The following PCDHGC3 variants were observed in gnomAD, a reference collection of about 807,000 sequenced individuals.
PCDHGC3 encodes protocadherin gamma-C3.
Under a neutral mutation model 59.2 loss-of-function variants are expected in PCDHGC3, and 26 were observed. The ratio of observed to expected loss-of-function variants is 0.44; its 90% confidence interval spans 0.32 to 0.61. The LOEUF (loss-of-function observed/expected upper bound fraction) is 0.61. Among genes scored for constraint, PCDHGC3 ranks in the 20% least tolerant of loss-of-function variants. PCDHGC3 has a pLI of 0.05. For missense variants in PCDHGC3, 1,080 were observed against 1,221.8 expected (o/e 0.88, Z 1.73); for synonymous variants, 487 against 519.7 (o/e 0.94, Z 0.86).
chr5:141,502,457 A>G lies in PCDHGC3; in HGVS notation c.2490-2936A>G, dbSNP rs950959171. 6.6e-5 allele frequency among the ~76,000 whole-genome samples: 10 copies of G among 151,926 alleles called. No individual in the cohort carries two copies. The South Asian group carries it at 1.7e-3, about 25-fold the overall frequency. On this transcript the variant is annotated intron_variant, in intron 2 of 3. Coordinates refer to ENST00000308177, the MANE Select transcript of PCDHGC3 (RefSeq NM_002588.4). The stretch of plus-strand genomic sequence containing the variant: ...TTAGATTCAGATTACACACCTTGGT[A>G]GGAATACTTCCCGCAGCATCACACT...
At position 141,511,345 on chromosome 5, in the gene PCDHGC3, T is replaced by C; in HGVS notation, c.*172T>C. ...AAGTGCCCAGTCAGCACCTACCCCT[T>C]CCCCCCCAGGGGGTTGAATATGCAA... On this transcript the variant is annotated 3_prime_UTR_variant, in exon 4 of 4. Transcript: ENST00000308177. The C allele has an allele frequency of 1.4e-6, 2 of 1,410,502 alleles. No homozygotes were observed. The highest frequency in any genetic ancestry group is 9.4e-7 in the Non-Finnish European group (1 of 1,060,676). 87.4% of individuals were successfully genotyped at this position (1,410,502 alleles called of 1,614,324 possible).
At chr5:141,501,881 C>T (rs1396427606) in intron 2 of PCDHGC3, among the ~76,000 whole-genome samples, 1 of 152,124 alleles carries the variant, frequency 6.6e-6, no homozygotes, top group East Asian at 1.9e-4. Context: ...CCTTACACTC[C>T]TGATCATCAT....
chr5:141,490,906 G>C lies in PCDHGC3; in HGVS notation c.2431-3901G>C. On this transcript the variant is annotated intron_variant, in intron 1 of 3. Transcript: ENST00000308177. The surrounding 1 kb of genome is among the most constrained non-coding windows in gnomAD (Gnocchi z 5.4). ...CACATCTCTGCATGTGTTTGTCCTA[G>C]ACGAGAATGATAATGCCCCAGCTGT... The C allele has an allele frequency of 1.9e-6, 3 of 1,613,798 alleles. No individual in the cohort carries two copies. The highest frequency in any genetic ancestry group is 2.5e-6 in the Non-Finnish European group (3 of 1,179,808).
At chr5:141,506,669 A>C (rs1293213848) in intron 3 of PCDHGC3, among the ~76,000 whole-genome samples, 1 of 152,198 alleles carries the variant, frequency 6.6e-6, no homozygotes, top group African/African-American at 2.4e-5. Flanking sequence ...GTAAGGGCAC[A>C]ATATATTATT....
rs1201654822 is a variant in PCDHGC3, at chr5:141,476,876, C to T, written c.760C>T (p.Leu254=). ...FNQSLYRARV[L]EDAPSGTRVV... is the part of the protein sequence containing the mutation. ...CCAGTCCTTGTACCGGGCGCGCGTC[C>T]TGGAGGATGCACCCTCCGGCACGCG... The change falls in exon 1 of 4, where the codon CTG becomes TTG. Residue 254 remains leucine (L), a synonymous_variant. Transcript: ENST00000308177. The surrounding 1 kb of genome is among the most constrained non-coding windows in gnomAD (Gnocchi z 7.6). 6.2e-7 allele frequency: 1 copy of T among 1,613,876 alleles called. No homozygotes were observed. The highest frequency in any genetic ancestry group is 1.7e-5 in the Admixed American group (1 of 60,018).
intron 1 of PCDHGC3, among the ~76,000 whole-genome samples, chr5:141,494,547 C>T (rs2099755185): frequency 6.6e-6 from 1 of 152,106 alleles, no homozygotes; most frequent in East Asian, 1.9e-4. Context: ...GAGGAAGGGG[C>T]CATTTCTTTA....
At position 141,489,437 on chromosome 5, in the gene PCDHGC3, T is replaced by C; in HGVS notation, c.2431-5370T>C. The C allele has an allele frequency of 6.2e-7, 1 of 1,614,110 alleles. No individual in the cohort carries two copies. Among genetic ancestry groups the C allele is most frequent in the Non-Finnish European group, 8.5e-7 (1 of 1,180,020 alleles). ...GATCTGTTGAGCCGGCGGCTGCAATTGGGCTCTGAGGAGAATGGGCGCTAT... is the reference window on the plus strand; with the variant it reads ...GATCTGTTGAGCCGGCGGCTGCAATCGGGCTCTGAGGAGAATGGGCGCTAT... On this transcript the variant is annotated intron_variant, in intron 1 of 3. Transcript: ENST00000308177. This position sits in a 1 kb window ranked among gnomAD's most constrained non-coding sequence, Gnocchi z 4.5.
rs2099427481 is a variant in PCDHGC3 at position 141,477,973 on chromosome 5, T to A, written c.1857T>A (p.Phe619Leu). Residue 619 changes from phenylalanine to leucine, a missense_variant, in exon 1 of 4, where the codon TTT becomes TTA. Physicochemically the swap from Phe to Leu is conservative, Grantham distance 22. Coordinates refer to ENST00000308177, the MANE Select transcript of PCDHGC3 (RefSeq NM_002588.4). The surrounding 1 kb of genome is among the most constrained non-coding windows in gnomAD (Gnocchi z 4.9). ...SLLGSPNQSL[F>L]AIGLHTGQIS... The stretch of plus-strand genomic sequence containing the variant: ...TGGGATCCCCTAACCAGAGCCTTTT[T>A]GCCATAGGGCTGCACACTGGTCAAA... 1 of 1,614,030 alleles carries A rather than the reference T, an allele frequency of 6.2e-7. No individual in the cohort carries two copies. The highest frequency in any genetic ancestry group is 8.5e-7 in the Non-Finnish European group (1 of 1,180,030).
intron 1 of PCDHGC3, among the ~76,000 whole-genome samples, chr5:141,484,211 G>A (rs1362875959): frequency 6.6e-6 from 1 of 152,158 alleles, no homozygotes; most frequent in Non-Finnish European, 1.5e-5. Context: ...ATGAACATTA[G>A]CATTCTGCCA....
rs201424832 is a variant in PCDHGC3 at position 141,490,802 on chromosome 5, C to T, written c.2431-4005C>T. On this transcript the variant is annotated intron_variant, in intron 1 of 3. Transcript: ENST00000308177. This position sits in a 1 kb window ranked among gnomAD's most constrained non-coding sequence, Gnocchi z 5.4. Reference sequence around the variant, plus strand: ...GATGGACGGATCTTTGCCCAGCGTACCTTTGACTATGAATTGCTGCAGATG... The same window carrying T: ...GATGGACGGATCTTTGCCCAGCGTATCTTTGACTATGAATTGCTGCAGATG... 1 of 1,613,944 alleles carries T rather than the reference C, an allele frequency of 6.2e-7. No homozygotes were observed. Among genetic ancestry groups the T allele is most frequent in the East Asian group, 2.2e-5 (1 of 44,886 alleles).
rs1052219950 is a variant in PCDHGC3, at chr5:141,476,865, G to A, written c.749G>A (p.Arg250Gln). The A allele has an allele frequency of 1.2e-6, 2 of 1,613,752 alleles. No individual in the cohort carries two copies. Among genetic ancestry groups the A allele is most frequent in the African/African-American group, 1.3e-5 (1 of 74,958 alleles). The change falls in exon 1 of 4, where the codon CGG (arginine) becomes CAG (glutamine). Residue 250 changes from arginine to glutamine, a missense_variant. Coordinates refer to ENST00000308177, the MANE Select transcript of PCDHGC3 (RefSeq NM_002588.4). This position sits in a 1 kb window ranked among gnomAD's most constrained non-coding sequence, Gnocchi z 7.6. ...NAPVFNQSLYRARVLEDAPSG... is the reference protein window; with the variant it reads ...NAPVFNQSLYQARVLEDAPSG... ...CCTGTCTTCAACCAGTCCTTGTACC[G>A]GGCGCGCGTCCTGGAGGATGCACCC...
intron 1 of PCDHGC3, among the ~76,000 whole-genome samples, chr5:141,488,544 C>G (rs1225754325): frequency 6.6e-6 from 1 of 152,166 alleles, no homozygotes; most frequent in African/African-American, 2.4e-5. Flanking sequence ...AGTCCCATGT[C>G]AGCTGACATT....
At position 141,491,856 on chromosome 5, in the gene PCDHGC3, C is replaced by T; in HGVS notation, c.2431-2951C>T. 1.4e-6 allele frequency: 2 copies of T among 1,458,728 alleles called. No individual in the cohort carries two copies. Among genetic ancestry groups the T allele is most frequent in the Non-Finnish European group, 1.8e-6 (2 of 1,103,072 alleles). 90.4% of individuals were successfully genotyped at this position (1,458,728 alleles called of 1,614,324 possible). A position where few individuals can be genotyped will look rare whatever the true frequency, so the allele number is the denominator to read the frequency against. ...TCTCGGGATCATTGGACCGTTTGCG[C>T]GAAACCAGAGTGGCCGATTAAGGGA... On this transcript the variant is annotated intron_variant, in intron 1 of 3. Coordinates refer to ENST00000308177, the MANE Select transcript of PCDHGC3 (RefSeq NM_002588.4). The surrounding 1 kb of genome is among the most constrained non-coding windows in gnomAD (Gnocchi z 6.9).
At chr5:141,483,694 C>T (rs915328297) in intron 1 of PCDHGC3, among the ~76,000 whole-genome samples, 3 of 151,952 alleles carry the variant, frequency 2.0e-5, no homozygotes, top group African/African-American at 4.8e-5. Flanking sequence ...AGCCAGATTC[C>T]TCTTTTTGAC....
At chr5:141,502,575 A>G (rs1314648955) in intron 2 of PCDHGC3, among the ~76,000 whole-genome samples, 2 of 152,208 alleles carry the variant, frequency 1.3e-5, no homozygotes, top group Admixed American at 1.3e-4. Context: ...CATTATAAAA[A>G]TATATTTTTA....
In PCDHGC3 at chr5:141,485,124, C is replaced by A; in HGVS notation, c.2430+6578C>A. ...GCTGCTGTGGCTGTTTGGGGCGGGT[C>A]GGCTTCATCCGCGTCTCAGGAGCAA... is the stretch of plus-strand genomic sequence containing the variant. On this transcript the variant is annotated intron_variant, in intron 1 of 3. Transcript: ENST00000308177. The surrounding 1 kb of genome is among the most constrained non-coding windows in gnomAD (Gnocchi z 5.7). 2 of 1,390,136 alleles carry A rather than the reference C, an allele frequency of 1.4e-6. No homozygotes were observed. The highest frequency in any genetic ancestry group is 2.5e-5 in the South Asian group (2 of 80,180). 86.1% of individuals were successfully genotyped at this position (1,390,136 alleles called of 1,614,324 possible). A position where few individuals can be genotyped will look rare whatever the true frequency, so the allele number is the denominator to read the frequency against.
chr5:141,485,566 C>G lies in PCDHGC3; in HGVS notation c.2430+7020C>G, dbSNP rs768144422. On this transcript the variant is annotated intron_variant, in intron 1 of 3. Transcript: ENST00000308177. This position sits in a 1 kb window ranked among gnomAD's most constrained non-coding sequence, Gnocchi z 5.7. ...TCGTAGATGTGAATGATCACGCCCC[C>G]CGTTTTCCGCGGCAGCAGCTGGACT... 2.5e-6 allele frequency: 4 copies of G among 1,612,808 alleles called. No homozygotes were observed. Among genetic ancestry groups the G allele is most frequent in the South Asian group, 2.2e-5 (2 of 91,028 alleles).
In PCDHGC3 at chr5:141,477,669, T is replaced by C; in HGVS notation, c.1553T>C (p.Ile518Thr). Reference sequence around the variant, plus strand: ...TTCACAATAAATCGTGACAATGGCATAGTGTCATCCTTAGTGCCCCTAGAC... The same window carrying C: ...TTCACAATAAATCGTGACAATGGCACAGTGTCATCCTTAGTGCCCCTAGAC... ...RYFTINRDNGIVSSLVPLDYE... is the reference protein window; with the variant it reads ...RYFTINRDNGTVSSLVPLDYE... The change falls in exon 1 of 4, where the codon ATA becomes ACA. Residue 518 changes from isoleucine (I) to threonine (T), a missense_variant. Coordinates refer to ENST00000308177, the MANE Select transcript of PCDHGC3 (RefSeq NM_002588.4). This position sits in a 1 kb window ranked among gnomAD's most constrained non-coding sequence, Gnocchi z 4.9. 6.2e-7 allele frequency: 1 copy of C among 1,614,200 alleles called. No individual in the cohort carries two copies. Among genetic ancestry groups the C allele is most frequent in the Non-Finnish European group, 8.5e-7 (1 of 1,180,030 alleles).
At chr5:141,507,896 G>A (rs1457319438) in intron 3 of PCDHGC3, among the ~76,000 whole-genome samples, 1 of 152,210 alleles carries the variant, frequency 6.6e-6, no homozygotes, top group African/African-American at 2.4e-5. Flanking sequence ...GGTTCCTGAA[G>A]TCCAGCCCAG....
Sources: allele counts gnomAD v4.1 joint callset (sites outside exome capture counted in the v4.1 genomes callset), GRCh38; gene constraint gnomAD v4.1.1; non-coding constraint Gnocchi (gnomAD v3.1); transcripts MANE v1.5; gene names NCBI Gene and HGNC (gene_info 2026-07-23, HGNC 2026-07-21).